AIG1: variants seen among roughly 807,000 people sequenced by gnomAD.
The protein encoded by AIG1 is androgen induced 1, also known as androgen-induced gene 1 protein.
In AIG1, 23 loss-of-function variants were observed where a neutral mutation model predicts 31.4. The ratio of observed to expected loss-of-function variants is 0.73; its 90% CI spans 0.53 to 1.04. The LOEUF is 1.04. AIG1 is among the 50% of genes least tolerant of loss of function. The pLI, the probability that AIG1 is intolerant of heterozygous loss-of-function variation, is 0.00. For missense variants in AIG1, 274 were observed against 295.0 expected (o/e 0.93, Z 0.52); for synonymous variants, 100 against 110.5 (o/e 0.90, Z 0.60).
At chr6:143,290,401 G>A (rs1327790070) in intron 4 of AIG1, among the ~76,000 whole-genome samples, 1 of 152,206 alleles carries the variant, frequency 6.6e-6, no homozygotes, top group Non-Finnish European at 1.5e-5. Context: ...GGAGTGGGCT[G>A]CCCACATGCA....
intron 3 of AIG1, among the ~76,000 whole-genome samples, chr6:143,202,662 A>G (rs546835129): frequency 6.6e-6 from 1 of 152,170 alleles, no homozygotes; most frequent in South Asian, 2.1e-4. Context: ...GTGCTGAAGG[A>G]CCCTGAGAAG....
At chr6:143,176,011 G>A (rs1788116733) in intron 3 of AIG1, among the ~76,000 whole-genome samples, 1 of 152,184 alleles carries the variant, frequency 6.6e-6, no homozygotes, top group Non-Finnish European at 1.5e-5. Flanking sequence ...CCGTGATGTG[G>A]TGCTGTACCC....
In AIG1 at chr6:143,325,402, A is replaced by G. The variant is rs1000434530; in HGVS notation, c.516-7880A>G. Among the ~76,000 whole-genome samples the G allele has an allele frequency of 2.0e-5, 3 of 152,200 alleles. No homozygotes were observed. Among genetic ancestry groups the G allele is most frequent in the Non-Finnish European group, 4.4e-5 (3 of 68,040 alleles). On this transcript the variant is annotated intron_variant, in intron 4 of 5. Coordinates refer to ENST00000357847, the MANE Select transcript of AIG1 (RefSeq NM_016108.4). The surrounding 1 kb of genome is among the most constrained non-coding windows in gnomAD (Gnocchi z 4.3). ...CAATGAACTTGATACCTGTATTGCC[A>G]AATCAGTCCTTTCTTCAAAGTCCAA...
intron 3 of AIG1, chr6:143,189,792 C>T (rs934318147): frequency 1.0e-6 from 1 of 983,316 alleles, no homozygotes; most frequent in Non-Finnish European, 1.2e-6. Context: ...TCCTGAAACA[C>T]TTCTCAACTT....
At chr6:143,262,425 C>G (rs965295346) in intron 3 of AIG1, among the ~76,000 whole-genome samples, 2 of 152,086 alleles carry the variant, frequency 1.3e-5, no homozygotes, top group Non-Finnish European at 2.9e-5. Context: ...AGCTGGAAAA[C>G]GAGAACTCCC....
At chr6:143,220,988 TTTA>T (rs1340582074) in intron 3 of AIG1, among the ~76,000 whole-genome samples, 2 of 151,600 alleles carry the variant, frequency 1.3e-5, no homozygotes, top group Non-Finnish European at 2.9e-5. Context: ...ATCACTAGTT[TTTA>T]TTGTTGTTGT....
intron 2 of AIG1, among the ~76,000 whole-genome samples, chr6:143,143,572 C>G (rs1784477519): frequency 8.7e-6 from 1 of 114,724 alleles, no homozygotes; most frequent in Non-Finnish European, 1.7e-5. Flanking sequence ...CACTTAATAT[C>G]TTCTGATCCT....
intron 4 of AIG1, among the ~76,000 whole-genome samples, chr6:143,290,417 G>A (rs1360764454): frequency 6.6e-6 from 1 of 152,220 alleles, no homozygotes; most frequent in African/African-American, 2.4e-5. Flanking sequence ...ATGCACAGTG[G>A]CCTGCCAGCA....
intron 3 of AIG1, among the ~76,000 whole-genome samples, chr6:143,226,985 C>CTTTTTTTTTTTTTTTTTT (rs11431811): frequency 8.8e-6 from 1 of 113,618 alleles, no homozygotes; most frequent in Non-Finnish European, 1.8e-5. Context: ...GAGTTTTTGT[C>CTTTTTTTTTTTTTTTTTT]TTTTTTTTTT....
chr6:143,076,555 T>A (rs901862700), intron 1 of AIG1, among the ~76,000 whole-genome samples: 2 of 152,192 alleles, frequency 1.3e-5, no homozygotes, highest in African/African-American at 4.8e-5. Flanking sequence ...ACAGTTTATG[T>A]TTAATGTAAT....
intron 4 of AIG1, among the ~76,000 whole-genome samples, chr6:143,306,335 A>G (rs543993356): frequency 6.6e-6 from 1 of 152,260 alleles, no homozygotes; most frequent in Non-Finnish European, 1.5e-5. Flanking sequence ...GGTCTTTACA[A>G]TTTGGCATGA....
intron 4 of AIG1, among the ~76,000 whole-genome samples, chr6:143,307,232 T>C (rs1799384860): frequency 6.6e-6 from 1 of 152,266 alleles, no homozygotes; most frequent in African/African-American, 2.4e-5. Flanking sequence ...AGCTTTGTTC[T>C]GTTGCTGGTG....
At position 143,292,016 on chromosome 6, in the gene AIG1, G is replaced by C. The variant is rs747512131; in HGVS notation, c.515+7791G>C. On this transcript the variant is annotated intron_variant, in intron 4 of 5. Coordinates refer to ENST00000357847, the MANE Select transcript of AIG1 (RefSeq NM_016108.4). The surrounding 1 kb of genome is among the most constrained non-coding windows in gnomAD (Gnocchi z 4.9). ...TATAGAAGAAATCCTGATAAGAGAT[G>C]AAGTGGCCTGGACCCTGGTGGTAGA... Among the ~76,000 whole-genome samples the C allele has an allele frequency of 2.6e-5, 4 of 152,200 alleles. No homozygotes were observed. Among genetic ancestry groups the C allele is most frequent in the Non-Finnish European group, 4.4e-5 (3 of 68,018 alleles).
chr6:143,261,479 A>G (rs1795777551), intron 3 of AIG1, among the ~76,000 whole-genome samples: 1 of 152,198 alleles, frequency 6.6e-6, no homozygotes, highest in South Asian at 2.1e-4. Context: ...GCAAGGCTGA[A>G]TTTGGGGGAG....
intron 4 of AIG1, among the ~76,000 whole-genome samples, chr6:143,319,177 C>CATAGCACAATTCACAACTGCACA: frequency 6.6e-6 from 1 of 152,102 alleles, no homozygotes; most frequent in East Asian, 1.9e-4. Flanking sequence ...CTTGCACATA[C>CATAGCACAATTCACAACTGCACA]ATGTTCATAG....
chr6:143,162,155 G>A (rs529799025), intron 2 of AIG1, among the ~76,000 whole-genome samples: 1 of 152,164 alleles, frequency 6.6e-6, no homozygotes, highest in African/African-American at 2.4e-5. Context: ...TGTAAAAAAT[G>A]TAATACTCTC....
intron 2 of AIG1, among the ~76,000 whole-genome samples, chr6:143,146,936 TG>T (rs1409860568): frequency 6.6e-6 from 1 of 152,078 alleles, no homozygotes; most frequent in Non-Finnish European, 1.5e-5. Flanking sequence ...TTCTGGCTAT[TG>T]GGAAGGTGAC....
intron 2 of AIG1, among the ~76,000 whole-genome samples, chr6:143,156,952 T>G (rs1222058648): frequency 6.6e-6 from 1 of 152,210 alleles, no homozygotes; most frequent in Non-Finnish European, 1.5e-5. Context: ...GATAGTCCTA[T>G]GCACTGGCCA....
intron 3 of AIG1, among the ~76,000 whole-genome samples, chr6:143,194,623 TA>T (rs1790072927): frequency 6.6e-6 from 1 of 152,240 alleles, no homozygotes; most frequent in Non-Finnish European, 1.5e-5. Context: ...TATGTGTGGA[TA>T]AAAACCTAAA....
Sources: gnomAD v4.1 joint callset for allele counts (sites outside exome capture counted in the v4.1 genomes callset) on GRCh38, gnomAD v4.1.1 for gene constraint, Gnocchi (gnomAD v3.1) non-coding constraint, MANE v1.5 for transcripts, NCBI Gene and HGNC (gene_info 2026-07-23, HGNC 2026-07-21) for gene names.